The following FOXN3 variants were observed in gnomAD, a reference collection of about 807,000 sequenced individuals.
FOXN3 encodes forkhead box N3, also known as forkhead box protein N3.
Under a neutral mutation model 38.4 loss-of-function variants are expected in FOXN3, and 7 were observed. The ratio of observed to expected loss-of-function variants is 0.18; its 90% CI spans 0.10 to 0.34. The LOEUF (loss-of-function observed/expected upper bound fraction) is 0.34. Among genes scored for constraint, FOXN3 ranks in the 10% least tolerant of loss-of-function variants. The probability of loss-of-function intolerance (pLI) is 1.00; values close to 1 mark genes in which losing one functional copy is unlikely to be tolerated. For synonymous variants in FOXN3, 230 were observed against 242.2 expected (o/e 0.95, Z 0.47); for missense variants, 456 against 613.4 (o/e 0.74, Z 2.71).
At chr14:89,471,541 AC>A (rs1400109395) in intron 1 of FOXN3, among the ~76,000 whole-genome samples, 1 of 152,074 alleles carries the variant, frequency 6.6e-6, no homozygotes, top group Non-Finnish European at 1.5e-5. Flanking sequence ...CCGTGACTGC[AC>A]CACTGCACTC....
chr14:89,270,476 T>C (rs1184204777), intron 4 of FOXN3, among the ~76,000 whole-genome samples: 1 of 152,230 alleles, frequency 6.6e-6, no homozygotes, highest in East Asian at 1.9e-4. Context: ...TATCTTTTAA[T>C]TCTCACAAAA....
intron 1 of FOXN3, among the ~76,000 whole-genome samples, chr14:89,583,518 G>A (rs1485785003): frequency 2.6e-5 from 4 of 152,156 alleles, no homozygotes; most frequent in African/African-American, 7.2e-5. Context: ...CTTTCCAGCC[G>A]CCAGAACTGT....
chr14:89,200,668 C>A (rs761787163), intron 4 of FOXN3, among the ~76,000 whole-genome samples: 1 of 152,240 alleles, frequency 6.6e-6, no homozygotes, highest in Non-Finnish European at 1.5e-5. Flanking sequence ...TTAATTCTAA[C>A]GTCCTTTTCG....
At chr14:89,313,297 G>A (rs941924511) in intron 3 of FOXN3, among the ~76,000 whole-genome samples, 2 of 152,178 alleles carry the variant, frequency 1.3e-5, no homozygotes, top group Non-Finnish European at 2.9e-5. Flanking sequence ...CGGGCGCAGC[G>A]GCTCACACCT....
At chr14:89,369,019 C>T (rs1334626724) in intron 2 of FOXN3, among the ~76,000 whole-genome samples, 1 of 152,176 alleles carries the variant, frequency 6.6e-6, no homozygotes, top group Non-Finnish European at 1.5e-5. Context: ...GCCACCATGT[C>T]ATGAGTCCTG....
intron 2 of FOXN3, among the ~76,000 whole-genome samples, chr14:89,357,187 C>CA (rs1889264243): frequency 6.6e-6 from 1 of 152,084 alleles, no homozygotes; most frequent in Admixed American, 6.5e-5. Context: ...CCCATGTCTA[C>CA]AAAAAATACA....
intron 1 of FOXN3, among the ~76,000 whole-genome samples, chr14:89,441,329 A>G (rs1450557835): frequency 3.9e-5 from 6 of 152,100 alleles, no homozygotes; most frequent in South Asian, 2.1e-4. Context: ...CCTGAACCCT[A>G]TGTAACCCAT....
At chr14:89,382,864 C>T (rs941124766) in intron 2 of FOXN3, among the ~76,000 whole-genome samples, 4 of 152,074 alleles carry the variant, frequency 2.6e-5, no homozygotes, top group Admixed American at 6.5e-5. Context: ...GTGAAAGGGA[C>T]GGTGAAGAAA....
intron 2 of FOXN3, among the ~76,000 whole-genome samples, chr14:89,379,937 A>G (rs1566972716): frequency 6.6e-6 from 1 of 152,242 alleles, no homozygotes; most frequent in Non-Finnish European, 1.5e-5. Context: ...CTAGGGTGAC[A>G]GGCGTGAGCC....
At chr14:89,543,089 T>C (rs534041350) in intron 1 of FOXN3, among the ~76,000 whole-genome samples, 14 of 152,184 alleles carry the variant, frequency 9.2e-5, no homozygotes, top group Non-Finnish European at 2.1e-4. Flanking sequence ...ACAGGTGCTT[T>C]TCAATCAGAG....
Position 89,288,654 on chromosome 14 carries a change from GTAATAGGCACTCTCTTTCTCTCTCTCT to G in FOXN3, c.681-7667_681-7641del, listed in dbSNP as rs571866424. Among the ~76,000 whole-genome samples, 103 of 68,212 alleles carry G rather than the reference GTAATAGGCACTCTCTTTCTCTCTCTCT, an allele frequency of 1.5e-3. 9 individuals are homozygous for G. Among genetic ancestry groups the G allele is most frequent in the South Asian group, 5.2e-3 (7 of 1,340 alleles). 44.7% of individuals were successfully genotyped at this position (68,212 alleles called of 152,430 possible). On this transcript the variant is annotated intron_variant, in intron 3 of 5. Transcript: ENST00000557258. Reference sequence around the variant, plus strand: ...ATGGAAACGACATACTCCAAAGGCTGTAATAGGCACTCTCTTTCTCTCTCTCTCTCTCTCTCTCTCTCTCTCTCTCTC... The same window carrying G: ...ATGGAAACGACATACTCCAAAGGCTGCTCTCTCTCTCTCTCTCTCTCTCTC...
chr14:89,404,047 A>T (rs1239382599), intron 2 of FOXN3, among the ~76,000 whole-genome samples: 3 of 152,208 alleles, frequency 2.0e-5, no homozygotes, highest in African/African-American at 7.2e-5. Context: ...GGTACATTCA[A>T]TTCTGTATTC....
intron 1 of FOXN3, among the ~76,000 whole-genome samples, chr14:89,555,626 C>T (rs1895100877): frequency 1.3e-5 from 2 of 152,198 alleles, no homozygotes; most frequent in African/African-American, 4.8e-5. Context: ...ATAATATCTA[C>T]ACTGGTCTTT....
intron 2 of FOXN3, among the ~76,000 whole-genome samples, chr14:89,387,009 C>T (rs1030074473): frequency 1.3e-5 from 2 of 152,194 alleles, no homozygotes; most frequent in Admixed American, 6.5e-5. Context: ...GTAATCCCAG[C>T]ACTTTGGGAG....
intron 4 of FOXN3, among the ~76,000 whole-genome samples, chr14:89,195,515 G>A (rs1888075399): frequency 6.6e-6 from 1 of 152,190 alleles, no homozygotes; most frequent in Admixed American, 6.5e-5. Flanking sequence ...AGCATTTCAG[G>A]GAACTGGGTA....
intron 1 of FOXN3, among the ~76,000 whole-genome samples, chr14:89,512,855 A>G (rs1894119810): frequency 6.6e-6 from 1 of 152,182 alleles, no homozygotes; most frequent in Non-Finnish European, 1.5e-5. Context: ...TAAGAAAGAA[A>G]CTAGGCTGGG....
In FOXN3 at chr14:89,412,188, A is replaced by T. The variant is rs763687445; in HGVS notation, c.289T>A (p.Ser97Thr). 43 of 1,611,182 alleles carry T rather than the reference A, an allele frequency of 2.7e-5. No homozygotes were observed. The highest frequency in any genetic ancestry group is 3.6e-5 in the Non-Finnish European group (43 of 1,178,770). The change falls in exon 2 of 6, where the codon TCC becomes ACC. Residue 97 changes from serine to threonine, a missense_variant. Transcript: ENST00000557258. This position sits in a 1 kb window ranked among gnomAD's most constrained non-coding sequence, Gnocchi z 4.7. ...VQDLDDDTPP[S>T]PAHSDMPYDA... Reference sequence around the variant, plus strand: ...TAGGGCATGTCAGAGTGGGCAGGGGATGGGGGGGTGTCATCGTCCAGGTCC... The same window carrying T: ...TAGGGCATGTCAGAGTGGGCAGGGGTTGGGGGGGTGTCATCGTCCAGGTCC...
chr14:89,254,900 C>G (rs56178354), intron 4 of FOXN3, among the ~76,000 whole-genome samples: 4 of 152,110 alleles, frequency 2.6e-5, no homozygotes, highest in African/African-American at 9.7e-5. Flanking sequence ...TCCACTCCCC[C>G]ACTAACGACG....
intron 3 of FOXN3, 75 bp from the exon 4 acceptor site, chr14:89,281,089 C>T (rs1016017353): frequency 1.3e-4 from 166 of 1,306,212 alleles, no homozygotes; most frequent in Non-Finnish European, 1.7e-4. Context: ...CCCACACTTC[C>T]CTCAAAACAT....
Sources: allele counts gnomAD v4.1 joint callset (sites outside exome capture counted in the v4.1 genomes callset), GRCh38; gene constraint gnomAD v4.1.1; non-coding constraint Gnocchi (gnomAD v3.1); transcripts MANE v1.5; gene names NCBI Gene and HGNC (gene_info 2026-07-23, HGNC 2026-07-21).